The following PTCH1 variants were observed in gnomAD, a reference collection of about 807,000 sequenced individuals.
The protein encoded by PTCH1 is protein patched homolog 1.
In PTCH1, 14 loss-of-function variants were observed where a neutral mutation model predicts 144.6. The ratio of observed to expected loss-of-function variants is 0.10; its 90% confidence interval spans 0.06 to 0.15. The LOEUF is 0.15. Ranked by LOEUF, PTCH1 falls within the 10% of genes least tolerant of loss-of-function variation. The pLI is 1.00. For synonymous variants in PTCH1, 833 were observed against 793.6 expected (o/e 1.05, Z -0.83); for missense variants, 1,623 against 1,948.3 (o/e 0.83, Z 3.14).
intron 2 of PTCH1, 104 bp from the exon 3 acceptor site, chr9:95,485,978 T>C (rs1841938578): frequency 2.4e-6 from 3 of 1,262,202 alleles, no homozygotes; most frequent in Non-Finnish European, 3.4e-6. Flanking sequence ...AGATGAACTC[T>C]AGTCATGAGA....
At chr9:95,514,764 T>C (rs1045425291) in intron 1 of PTCH1, among the ~76,000 whole-genome samples, 1 of 152,218 alleles carries the variant, frequency 6.6e-6, no homozygotes, top group Non-Finnish European at 1.5e-5. Context: ...ACAGCCTTTT[T>C]CTTTTCAGAA....
At chr9:95,484,528 CTCT>C (rs1393567566) in intron 3 of PTCH1, among the ~76,000 whole-genome samples, 2 of 152,144 alleles carry the variant, frequency 1.3e-5, no homozygotes, top group Non-Finnish European at 1.5e-5. Flanking sequence ...TAATTTTATT[CTCT>C]TCTTTGGTTC....
chr9:95,515,073 C>A (rs1237100483), intron 1 of PTCH1, among the ~76,000 whole-genome samples: 1 of 146,146 alleles, frequency 6.8e-6, no homozygotes, highest in Non-Finnish European at 1.5e-5. Flanking sequence ...CCTGAGGCAA[C>A]AATTTATCCG....
chr9:95,470,906 C>T (rs963718201), intron 12 of PTCH1, among the ~76,000 whole-genome samples: 1 of 152,084 alleles, frequency 6.6e-6, no homozygotes, highest in Non-Finnish European at 1.5e-5. Context: ...ACGGTGAAAC[C>T]CCGTCTCTAC....
chr9:95,506,281 C>G (rs913892719), intron 2 of PTCH1, 126 bp downstream of exon 2: 1 of 1,126,884 alleles, frequency 8.9e-7, no homozygotes, highest in Non-Finnish European at 1.2e-6. Flanking sequence ...AATAAACAAT[C>G]CCCCGGGTGC....
chr9:95,501,034 G>A (rs947098629), intron 2 of PTCH1, among the ~76,000 whole-genome samples: 1 of 152,192 alleles, frequency 6.6e-6, no homozygotes, highest in Non-Finnish European at 1.5e-5. Flanking sequence ...GGAATGGGAT[G>A]GGGGAGTTAT....
In PTCH1 at chr9:95,467,274, T is replaced by C. The variant is rs2117963519; in HGVS notation, c.2402A>G (p.Tyr801Cys). 3 of 1,614,212 alleles carry C rather than the reference T, an allele frequency of 1.9e-6. No individual in the cohort carries two copies. Among genetic ancestry groups the C allele is most frequent in the East Asian group, 2.2e-5 (1 of 44,880 alleles). The change falls in exon 15 of 24, where the codon TAC becomes TGC. Residue 801 changes from tyrosine (Y) to cysteine (C), a missense_variant. Physicochemically the swap from Tyr to Cys is radical, Grantham distance 194. Around this residue, in one of 7 missense-constraint regions of PTCH1, gnomAD observed 504 missense variants for 679.3 expected, o/e 0.74. Coordinates refer to ENST00000331920, the MANE Select transcript of PTCH1 (RefSeq NM_000264.5). ...TTTCTGGGTGACTATATACATGTTG[T>C]AGAAAGAAAAGTATTTGAATTGTGC... ...IAAQFKYFSF[Y>C]NMYIVTQKAD...
intron 2 of PTCH1, 173 bp downstream of exon 2, chr9:95,506,234 T>G: frequency 1.4e-6 from 1 of 726,402 alleles, no homozygotes; most frequent in Non-Finnish European, 2.2e-6. Context: ...GCGCGGCCTT[T>G]GTCGGGCGGG....
At chr9:95,480,222 G>C in intron 6 of PTCH1, 132 bp from the exon 7 acceptor site, 1 of 1,535,562 alleles carries the variant, frequency 6.5e-7, no homozygotes, top group Non-Finnish European at 8.9e-7. Context: ...GAGGTGTATG[G>C]CAAATCTTAC....
intron 2 of PTCH1, among the ~76,000 whole-genome samples, chr9:95,501,355 G>C (rs888976867): frequency 6.6e-6 from 1 of 152,056 alleles, no homozygotes. Context: ...CAGCCCCAAT[G>C]TCAATAGTCC....
chr9:95,499,883 C>T (rs1218164951), intron 2 of PTCH1, among the ~76,000 whole-genome samples: 1 of 151,912 alleles, frequency 6.6e-6, no homozygotes, highest in Non-Finnish European at 1.5e-5. Context: ...GCCACCAAAG[C>T]GCCCCTTTCT....
upstream of PTCH1, among the ~76,000 whole-genome samples, chr9:95,510,252 A>G (rs1844079080): frequency 6.6e-6 from 1 of 152,204 alleles, no homozygotes; most frequent in South Asian, 2.1e-4. Context: ...AGATGTTTAT[A>G]TAGTCAGTAT....
intron 4 of PTCH1, 41 bp downstream of exon 4, chr9:95,482,093 G>C: frequency 6.2e-7 from 1 of 1,608,926 alleles, no homozygotes; most frequent in Non-Finnish European, 8.5e-7. Context: ...ACACTACTGG[G>C]GTGTTCCTGA....
intron 5 of PTCH1, 110 bp downstream of exon 5, chr9:95,481,839 G>A (rs1204829586): frequency 9.6e-7 from 1 of 1,041,784 alleles, no homozygotes; most frequent in East Asian, 2.6e-5. Context: ...GAATTTCAAT[G>A]TTTTTATTTC....
chr9:95,478,123 G>C lies in PTCH1; in HGVS notation c.1279C>G (p.Leu427Val), dbSNP rs2118334723. ...QKVLSFTTTT[L>V]DDILKSFSDV... ...GAGAAGGATTTCAGGATGTCGTCCA[G>C]GGTCGTGGTGGTGAAGGAAAGCACC... Residue 427 changes from leucine (L) to valine (V), a missense_variant, in exon 9 of 24, where the codon CTG (leucine) becomes GTG (valine). Transcript: ENST00000331920. The C allele has an allele frequency of 6.2e-7, 1 of 1,614,208 alleles. No individual in the cohort carries two copies. Among genetic ancestry groups the C allele is most frequent in the East Asian group, 2.2e-5 (1 of 44,876 alleles).
At position 95,516,739 on chromosome 9, in the gene PTCH1, G is replaced by A. The variant is rs1464183427; in HGVS notation, c.-268C>T. On this transcript the variant is annotated 5_prime_UTR_variant, in exon 1 of 23. Transcript: ENST00000430669. ...AAGGAACGGAAAGTGTAAAAACCCC[G>A]GCGCGCTGGGCCGCCGGAGGCTTTC... is the stretch of plus-strand genomic sequence containing the variant. 1.7e-5 allele frequency: 28 copies of A among 1,612,672 alleles called. No individual in the cohort carries two copies. The highest frequency in any genetic ancestry group is 2.4e-5 in the Non-Finnish European group (28 of 1,179,588).
Position 95,508,162 on chromosome 9 carries a change from T to C in PTCH1, c.200A>G (p.Lys67Arg). Residue 67 changes from lysine to arginine, a missense_variant and splice_region_variant, in exon 1 of 24, where the codon AAG becomes AGG. Lys to Arg is a conservative substitution (Grantham distance 26, BLOSUM62 2). Around this residue, in one of 7 missense-constraint regions of PTCH1, gnomAD observed 245 missense variants for 240.6 expected, o/e 1.02. Transcript: ENST00000331920. ...DAAFALEQIS[K>R]GKATGRKAPL... ...GGGAGGAGAGAGTCTGAAATGCACC[T>C]TGGAAATCTGCTCCAGAGCGAAGGC... 6.2e-7 allele frequency: 1 copy of C among 1,612,580 alleles called. No homozygotes were observed.
intron 2 of PTCH1, among the ~76,000 whole-genome samples, chr9:95,496,397 A>C (rs1842793111): frequency 6.6e-6 from 1 of 152,176 alleles, no homozygotes; most frequent in African/African-American, 2.4e-5. Context: ...GTCCGCAACA[A>C]AAAAGTTACG....
At chr9:95,480,752 T>C (rs1017307868) in intron 5 of PTCH1, among the ~76,000 whole-genome samples, 164 bp from the exon 6 acceptor site, 3 of 152,130 alleles carry the variant, frequency 2.0e-5, no homozygotes, top group African/African-American at 7.2e-5. Flanking sequence ...CATATCTGCA[T>C]AAAAACTTAG....
Sources: allele counts gnomAD v4.1 joint callset (sites outside exome capture counted in the v4.1 genomes callset), GRCh38; gene constraint gnomAD v4.1.1; regional missense constraint gnomAD v4.1.1; transcripts MANE v1.5; gene names NCBI Gene and HGNC (gene_info 2026-07-23, HGNC 2026-07-21).